Variants in CUBN observed in about 807,000 individuals in gnomAD.
CUBN encodes the protein cubilin.
CUBN carries 282 observed loss-of-function variants against 405.3 expected under a neutral mutation model. That is an observed-to-expected ratio of 0.70 (90% confidence interval 0.63 to 0.77). The LOEUF is 0.77. Ranked by LOEUF, CUBN falls within the 30% of genes least tolerant of loss-of-function variation. CUBN has a pLI of 0.00. For missense variants in CUBN, 4,514 were observed against 4,475.2 expected (o/e 1.01, Z -0.25); for synonymous variants, 1,684 against 1,617.0 (o/e 1.04, Z -0.99).
chr10:16,904,117 T>C lies in CUBN; in HGVS notation c.7913-2A>G. The C allele has an allele frequency of 6.2e-7, 1 of 1,613,642 alleles. No homozygotes were observed. Among genetic ancestry groups the C allele is most frequent in the Middle Eastern group, 1.7e-4 (1 of 6,060 alleles). Reference sequence around the variant, plus strand: ...ACATCAGGGGCCCATCAGCATCACCTGAACAAAATAATATACCAAGTGCCA... The same window carrying C: ...ACATCAGGGGCCCATCAGCATCACCCGAACAAAATAATATACCAAGTGCCA... On this transcript the variant is annotated splice_acceptor_variant, in intron 50 of 66. Coordinates refer to ENST00000377833, the MANE Select transcript of CUBN (RefSeq NM_001081.4). LOFTEE classifies it high-confidence loss of function.
intron 31 of CUBN, among the ~76,000 whole-genome samples, chr10:16,961,215 G>A (rs1843208029): frequency 1.3e-5 from 2 of 152,110 alleles, no homozygotes; most frequent in Admixed American, 6.5e-5. Context: ...GGGACTACAG[G>A]TGTGCACCAC....
chr10:16,893,868 G>A (rs1186990086), intron 54 of CUBN, among the ~76,000 whole-genome samples: 3 of 152,152 alleles, frequency 2.0e-5, no homozygotes, highest in South Asian at 2.1e-4. Flanking sequence ...CATTTCTCTC[G>A]GATAAATGCC....
chr10:17,046,166 G>C lies in CUBN; in HGVS notation c.3330-72C>G. On this transcript the variant is annotated intron_variant, in intron 23 of 66. Coordinates refer to ENST00000377833, the MANE Select transcript of CUBN (RefSeq NM_001081.4). Reference sequence around the variant, plus strand: ...ACTGTATAAACATTTAACATAATTTGAACTTTGGGATTGCAAACATTAGCA... The same window carrying C: ...ACTGTATAAACATTTAACATAATTTCAACTTTGGGATTGCAAACATTAGCA... The C allele has an allele frequency of 3.5e-6, 5 of 1,412,814 alleles. No homozygotes were observed. The East Asian group carries it at 1.1e-4, about 32-fold the overall frequency. The allele number at this position is 1,412,814 out of a possible 1,614,324, so 87.5% of individuals were successfully genotyped here.
intron 60 of CUBN, among the ~76,000 whole-genome samples, chr10:16,849,318 G>T (rs7094016): frequency 1.3e-5 from 2 of 151,730 alleles, no homozygotes; most frequent in Non-Finnish European, 2.9e-5. Flanking sequence ...GCCTTCTCCA[G>T]TTGCCTCCCT....
intron 21 of CUBN, among the ~76,000 whole-genome samples, chr10:17,065,966 G>C (rs1048778450): frequency 3.5e-4 from 54 of 152,160 alleles, no homozygotes; most frequent in African/African-American, 1.3e-3. Context: ...ATACAACAAA[G>C]GGAAACAATA....
At chr10:17,056,437 G>A (rs1005855334) in intron 22 of CUBN, among the ~76,000 whole-genome samples, 5 of 151,926 alleles carry the variant, frequency 3.3e-5, no homozygotes, top group East Asian at 1.9e-4. Flanking sequence ...GGTGAAACCC[G>A]TCTCTACTAA....
chr10:16,862,965 C>G (rs752323380), intron 59 of CUBN, among the ~76,000 whole-genome samples: 9 of 152,146 alleles, frequency 5.9e-5, no homozygotes, highest in African/African-American at 1.4e-4. Flanking sequence ...AAGGACAGCC[C>G]CATCCTTCAA....
chr10:17,065,094 T>G lies in CUBN; in HGVS notation c.3139+414A>C, dbSNP rs189596503. Among the ~76,000 whole-genome samples, 3 of 150,888 alleles carry G rather than the reference T, an allele frequency of 2.0e-5. No homozygotes were observed. In the East Asian group the frequency reaches 5.9e-4, roughly 30 times the overall value. ...ACCCAGATTTATTATGTATTTGTAT[T>G]CTGCTCCCATTACTTTATCATTTCT... On this transcript the variant is annotated intron_variant, in intron 22 of 66. Coordinates refer to ENST00000377833, the MANE Select transcript of CUBN (RefSeq NM_001081.4).
intron 15 of CUBN, among the ~76,000 whole-genome samples, chr10:17,087,302 G>C (rs951391929): frequency 6.6e-6 from 1 of 151,938 alleles, no homozygotes; most frequent in African/African-American, 2.4e-5. Context: ...ATGCACCTAC[G>C]TACAAACGGC....
intron 55 of CUBN, among the ~76,000 whole-genome samples, chr10:16,888,931 T>A (rs1386589529): frequency 6.6e-6 from 1 of 152,176 alleles, no homozygotes; most frequent in East Asian, 1.9e-4. Context: ...TGTATCTGAT[T>A]AGTACTTTAC....
chr10:17,115,610 C>G lies in CUBN; in HGVS notation c.594-13G>C, dbSNP rs190045733. On this transcript the variant is annotated splice_polypyrimidine_tract_variant and intron_variant, in intron 6 of 66. Coordinates refer to ENST00000377833, the MANE Select transcript of CUBN (RefSeq NM_001081.4). ...TGGGCAGTGACAACTGTTGGTTACACAAGAGCACAATGTCAGGGCACGCGC... is the reference window on the plus strand; with the variant it reads ...TGGGCAGTGACAACTGTTGGTTACAGAAGAGCACAATGTCAGGGCACGCGC... 1 of 1,614,150 alleles carries G rather than the reference C, an allele frequency of 6.2e-7. No homozygotes were observed. The highest frequency in any genetic ancestry group is 8.5e-7 in the Non-Finnish European group (1 of 1,179,990).
At chr10:16,918,471 A>G (rs1841948018) in intron 45 of CUBN, 151 bp downstream of exon 45, 1 of 595,478 alleles carries the variant, frequency 1.7e-6, no homozygotes, top group African/African-American at 1.9e-5. Flanking sequence ...GAGAAGGGAG[A>G]AGAGCAGAAA....
intron 29 of CUBN, among the ~76,000 whole-genome samples, chr10:16,986,165 G>A (rs1833412363): frequency 6.6e-6 from 1 of 152,222 alleles, no homozygotes; most frequent in African/African-American, 2.4e-5. Flanking sequence ...TGGTATCTGA[G>A]ACCTTCATAA....
intron 33 of CUBN, among the ~76,000 whole-genome samples, chr10:16,950,717 A>G (rs1010113396): frequency 8.5e-5 from 13 of 152,230 alleles, no homozygotes; most frequent in African/African-American, 3.1e-4. Flanking sequence ...CATCTGAAAC[A>G]CTGGCAGTGG....
chr10:17,104,370 G>T, intron 12 of CUBN, 49 bp downstream of exon 12: 1 of 1,567,622 alleles, frequency 6.4e-7, no homozygotes, highest in Non-Finnish European at 8.8e-7. Flanking sequence ...ACTAAAGGAT[G>T]CTGCTGCTAT....
At position 17,103,127 on chromosome 10, in the gene CUBN, T is replaced by G; in HGVS notation, c.1528A>C (p.Lys510Gln). The G allele has an allele frequency of 1.3e-6, 2 of 1,591,406 alleles. No homozygotes were observed. The highest frequency in any genetic ancestry group is 1.7e-6 in the Non-Finnish European group (2 of 1,159,320). The change falls in exon 13 of 67, where the codon AAG becomes CAG. Residue 510 changes from lysine (K) to glutamine (Q), a missense_variant and splice_region_variant. Lys to Gln is a moderately conservative substitution (Grantham distance 53). Transcript: ENST00000377833. ...TGGGCAAGAGTTACTACATTTACCT[T>G]TCCCATTTCAGTTTTGATAACCCAG... The part of the protein sequence containing the change: ...CFWVIKTEMG[K>Q]VLRITFTFFR...
At chr10:16,871,856 A>G (rs182894784) in intron 58 of CUBN, among the ~76,000 whole-genome samples, 41 of 152,306 alleles carry the variant, frequency 2.7e-4, no homozygotes, top group Non-Finnish European at 2.4e-4. Flanking sequence ...TAATGTCTGC[A>G]TCTTCTACCA....
intron 28 of CUBN, among the ~76,000 whole-genome samples, chr10:17,010,927 T>C (rs911796884): frequency 2.0e-5 from 3 of 152,230 alleles, no homozygotes; most frequent in Admixed American, 6.5e-5. Flanking sequence ...ATTCCTATAA[T>C]GAGTGCACCA....
At chr10:16,835,649 T>C (rs1265028143) in intron 63 of CUBN, among the ~76,000 whole-genome samples, 2 of 151,606 alleles carry the variant, frequency 1.3e-5, no homozygotes, top group Admixed American at 1.3e-4. Context: ...CCAAAAGTAC[T>C]TTCGTTTGTT....
Sources: gnomAD v4.1 joint callset for allele counts (sites outside exome capture counted in the v4.1 genomes callset) on GRCh38, gnomAD v4.1.1 for gene constraint, MANE v1.5 for transcripts, NCBI Gene and HGNC (gene_info 2026-07-23, HGNC 2026-07-21) for gene names.